The following FAM163A variants were observed in gnomAD, a reference collection of about 807,000 sequenced individuals.
The protein encoded by FAM163A is protein FAM163A.
Under a neutral mutation model 12.0 loss-of-function variants are expected in FAM163A, and 7 were observed. The observed-to-expected ratio is 0.58, with a 90% CI of 0.33 to 1.10. The LOEUF is 1.10. Among genes scored for constraint, FAM163A ranks in the 50% least tolerant of loss-of-function variants. FAM163A has a pLI of 0.03. For missense variants in FAM163A, 202 were observed against 218.6 expected (o/e 0.92, Z 0.48); for synonymous variants, 101 against 91.0 (o/e 1.11, Z -0.62).
At chr1:179,767,658 G>A (rs1687692537) in intron 1 of FAM163A, among the ~76,000 whole-genome samples, 1 of 152,150 alleles carries the variant, frequency 6.6e-6, no homozygotes, top group East Asian at 1.9e-4. Flanking sequence ...TCCAGGCCCT[G>A]GCACCCCCTA....
intron 1 of FAM163A, among the ~76,000 whole-genome samples, chr1:179,768,096 G>A (rs1687752992): frequency 6.6e-6 from 1 of 152,108 alleles, no homozygotes. Context: ...GAATCATATG[G>A]TATTTGTTCT....
Position 179,813,929 on chromosome 1 carries a change from G to C in FAM163A, c.244G>C (p.Glu82Gln), listed in dbSNP as rs1389184987. The C allele has an allele frequency of 6.2e-7, 1 of 1,613,730 alleles. No homozygotes were observed. Among genetic ancestry groups the C allele is most frequent in the East Asian group, 2.2e-5 (1 of 44,866 alleles). ...AGGCAGCCTGGCGCCTCTCACCAGC[G>C]AGCCCTGCAGCCAGCCCTGTGGGGT... ...GRGSLAPLTS[E>Q]PCSQPCGVAA... The change falls in exon 5 of 5, where the codon GAG becomes CAG. Residue 82 changes from glutamate to glutamine, a missense_variant. Coordinates refer to ENST00000341785, the MANE Select transcript of FAM163A (RefSeq NM_173509.3).
Position 179,814,107 on chromosome 1 carries a change from C to CACCCCAGAGTTACCCGGTG in FAM163A, c.426_444dup (p.Trp149ProfsTer13). The CACCCCAGAGTTACCCGGTG allele has an allele frequency of 6.2e-7, 1 of 1,614,220 alleles. No individual in the cohort carries two copies. The highest frequency in any genetic ancestry group is 8.5e-7 in the Non-Finnish European group (1 of 1,180,044). ...GGACCCCCATCCCTCAAATTGGCAGCACCCCAGAGTTACCCGGTGACCTGG... is the reference window on the plus strand; with the variant it reads ...GGACCCCCATCCCTCAAATTGGCAGCACCCCAGAGTTACCCGGTGACCCCAGAGTTACCCGGTGACCTGG... On this transcript the variant is annotated frameshift_variant, in exon 5 of 5. Transcript: ENST00000341785. LOFTEE classifies it high-confidence loss of function.
the FAM163A span, among the ~76,000 whole-genome samples, chr1:179,734,275 G>C: frequency 1.3e-5 from 2 of 152,152 alleles, no homozygotes; most frequent in African/African-American, 2.4e-5. Flanking sequence ...ACTGAGCCAG[G>C]CTTAATAATC....
At position 179,758,395 on chromosome 1, in the gene FAM163A, G is replaced by A. The variant is rs929677815; in HGVS notation, c.-136+14972G>A. On this transcript the variant is annotated intron_variant, in intron 1 of 4. Coordinates refer to ENST00000341785, the MANE Select transcript of FAM163A (RefSeq NM_173509.3). ...TCTTTCTGTCTCTATTAGCAAAGCC[G>A]TGCTCAGAGAACATGCTGAGAAAAA... Among the ~76,000 whole-genome samples, 7 of 152,158 alleles carry A rather than the reference G, an allele frequency of 4.6e-5. No individual in the cohort carries two copies. In the South Asian group the frequency reaches 6.2e-4, roughly 14 times the overall value.
Position 179,814,006 on chromosome 1 carries a change from A to G in FAM163A, c.321A>G (p.Ile107Met). 6.2e-7 allele frequency: 1 copy of G among 1,613,134 alleles called. No homozygotes were observed. The highest frequency in any genetic ancestry group is 8.5e-7 in the Non-Finnish European group (1 of 1,179,320). The change falls in exon 5 of 5, where the codon ATA becomes ATG. Residue 107 changes from isoleucine (I) to methionine (M), a missense_variant. Ile to Met is a conservative substitution (Grantham distance 10, BLOSUM62 1). Coordinates refer to ENST00000341785, the MANE Select transcript of FAM163A (RefSeq NM_173509.3). ...CCCCATACAGCTCCCCCTTTTACAT[A>G]CGGACGGCTGACATGGTGCCCAATG... is the stretch of plus-strand genomic sequence containing the variant. ...TCSPYSSPFY[I>M]RTADMVPNGG...
intron 1 of FAM163A, among the ~76,000 whole-genome samples, chr1:179,752,500 A>C (rs1473855416): frequency 6.6e-6 from 1 of 151,358 alleles, no homozygotes; most frequent in Non-Finnish European, 1.5e-5. Flanking sequence ...AAAAATCAAT[A>C]GAGTGAAAAG....
At chr1:179,733,190 G>A in the FAM163A span, among the ~76,000 whole-genome samples, 1 of 151,970 alleles carries the variant, frequency 6.6e-6, no homozygotes, top group Non-Finnish European at 1.5e-5. Context: ...TTAATACATA[G>A]GGAGTATTTA....
At chr1:179,752,314 A>G (rs1205880642) in intron 1 of FAM163A, among the ~76,000 whole-genome samples, 2 of 152,192 alleles carry the variant, frequency 1.3e-5, no homozygotes, top group Non-Finnish European at 2.9e-5. Context: ...TGGATTAAAA[A>G]CTTGAACATA....
At chr1:179,746,370 T>C (rs1303590924) in intron 1 of FAM163A, among the ~76,000 whole-genome samples, 1 of 152,214 alleles carries the variant, frequency 6.6e-6, no homozygotes, top group Non-Finnish European at 1.5e-5. Context: ...ACTTGTTAAG[T>C]GTCTTATGGT....
At chr1:179,734,411 C>T in the FAM163A span, among the ~76,000 whole-genome samples, 29 of 152,122 alleles carry the variant, frequency 1.9e-4, no homozygotes, top group African/African-American at 6.7e-4. Context: ...ACGAATACTC[C>T]TTTTTTTTAT....
At chr1:179,730,001 C>T in the FAM163A span, among the ~76,000 whole-genome samples, 18 of 152,192 alleles carry the variant, frequency 1.2e-4, no homozygotes, top group African/African-American at 3.9e-4. Context: ...GAGCATCAGC[C>T]TCCTACCTTT....
upstream of FAM163A, among the ~76,000 whole-genome samples, chr1:179,742,992 G>T (rs1418963106): frequency 3.3e-5 from 5 of 152,354 alleles, no homozygotes; most frequent in East Asian, 9.6e-4. Flanking sequence ...CATGCTCTCC[G>T]AATTTTCCGT....
intron 1 of FAM163A, among the ~76,000 whole-genome samples, chr1:179,747,065 G>A (rs1327889160): frequency 6.6e-6 from 1 of 151,870 alleles, no homozygotes; most frequent in Non-Finnish European, 1.5e-5. Flanking sequence ...AAAGGAGCAA[G>A]AGGAACACTG....
At chr1:179,735,534 C>T in the FAM163A span, among the ~76,000 whole-genome samples, 28 of 107,680 alleles carry the variant, frequency 2.6e-4, no homozygotes, top group Admixed American at 1.3e-4. Context: ...GACGGAGTCT[C>T]GTTGTGTCGC....
intron 1 of FAM163A, among the ~76,000 whole-genome samples, chr1:179,769,027 A>G (rs1436112907): frequency 6.6e-6 from 1 of 152,232 alleles, no homozygotes; most frequent in Admixed American, 6.5e-5. Context: ...ATTATAAATT[A>G]AACATGATGT....
At chr1:179,789,484 G>T (rs1361878049) in intron 1 of FAM163A, among the ~76,000 whole-genome samples, 2 of 152,200 alleles carry the variant, frequency 1.3e-5, no homozygotes, top group South Asian at 2.1e-4. Context: ...CCCCGGCAGG[G>T]ATCAGATTCT....
At position 179,796,887 on chromosome 1, in the gene FAM163A, G is replaced by A. The variant is rs1692404613; in HGVS notation, c.-135-10911G>A. On this transcript the variant is annotated intron_variant, in intron 1 of 4. Coordinates refer to ENST00000341785, the MANE Select transcript of FAM163A (RefSeq NM_173509.3). Reference sequence around the variant, plus strand: ...CCTAAACTGTTCTCTAGGACAGCAGGCTTACCTGGATCATCCATTCTGGAG... The same window carrying A: ...CCTAAACTGTTCTCTAGGACAGCAGACTTACCTGGATCATCCATTCTGGAG... Among the ~76,000 whole-genome samples the A allele has an allele frequency of 1.3e-5, 2 of 152,214 alleles. 1 individual carries two copies. The highest frequency in any genetic ancestry group is 1.3e-4 in the Admixed American group (2 of 15,286).
At chr1:179,808,902 TAGAG>T (rs1694318843) in intron 2 of FAM163A, among the ~76,000 whole-genome samples, 2 of 152,082 alleles carry the variant, frequency 1.3e-5, no homozygotes, top group South Asian at 4.1e-4. Flanking sequence ...CCTGAAATCA[TAGAG>T]AGCCACTGAA....
Sources: allele counts gnomAD v4.1 joint callset (sites outside exome capture counted in the v4.1 genomes callset), GRCh38; gene constraint gnomAD v4.1.1; transcripts MANE v1.5; gene names NCBI Gene and HGNC (gene_info 2026-07-23, HGNC 2026-07-21).